Variants in MARCHF8 observed in about 807,000 individuals in gnomAD.
MARCHF8 encodes the protein membrane associated ring-CH-type finger 8, also known as E3 ubiquitin-protein ligase MARCHF8.
MARCHF8 carries 40 observed loss-of-function variants against 51.6 expected under a neutral mutation model. The ratio of observed to expected loss-of-function variants is 0.77; its 90% CI spans 0.60 to 1.01. The LOEUF is 1.01. MARCHF8 is among the 50% of genes least tolerant of loss of function. The pLI, the probability that MARCHF8 is intolerant of heterozygous loss-of-function variation, is 0.00. For synonymous variants in MARCHF8, 263 were observed against 280.3 expected (o/e 0.94, Z 0.62); for missense variants, 685 against 708.6 (o/e 0.97, Z 0.38).
chr10:45,571,467 G>C (rs1023756262), intron 1 of MARCHF8, among the ~76,000 whole-genome samples: 9 of 150,622 alleles, frequency 6.0e-5, no homozygotes, highest in African/African-American at 2.0e-4. Context: ...TTCTCCCTTT[G>C]CTGACTCTCT....
intron 3 of MARCHF8, among the ~76,000 whole-genome samples, chr10:45,483,330 T>G (rs1298064833): frequency 6.6e-6 from 1 of 152,124 alleles, no homozygotes; most frequent in Non-Finnish European, 1.5e-5. Flanking sequence ...GCAAAGGACA[T>G]GACTAGACAT....
At chr10:45,547,066 A>C (rs550356314) in intron 1 of MARCHF8, among the ~76,000 whole-genome samples, 7 of 152,212 alleles carry the variant, frequency 4.6e-5, no homozygotes, top group Non-Finnish European at 8.8e-5. Flanking sequence ...CCCCACCAAA[A>C]AAATTCAGAT....
At chr10:45,584,301 G>A (rs2044593791) in intron 1 of MARCHF8, among the ~76,000 whole-genome samples, 1 of 151,068 alleles carries the variant, frequency 6.6e-6, no homozygotes, top group Non-Finnish European at 1.5e-5. Flanking sequence ...AACCACAAAA[G>A]CACAAATCTG....
intron 1 of MARCHF8, among the ~76,000 whole-genome samples, chr10:45,569,014 G>A (rs1233312746): frequency 1.4e-5 from 2 of 139,304 alleles, no homozygotes; most frequent in Non-Finnish European, 3.0e-5. Context: ...GCAGTGAGCC[G>A]AGATGGCGCC....
chr10:45,497,534 AGTAAAT>A (rs1455798750), intron 2 of MARCHF8, among the ~76,000 whole-genome samples: 1 of 152,208 alleles, frequency 6.6e-6, no homozygotes, highest in Non-Finnish European at 1.5e-5. Flanking sequence ...AACAAACATC[AGTAAAT>A]GTAAAAGGAC....
Position 45,457,262 on chromosome 10 carries a change from T to A in MARCHF8, c.*977A>T, listed in dbSNP as rs1371295914. On this transcript the variant is annotated 3_prime_UTR_variant, in exon 8 of 8. Coordinates refer to ENST00000453424, the MANE Select transcript of MARCHF8 (RefSeq NM_001282866.2). ...AGTTTTGTTGTCATTACTCACTTCCTTTCCTTCCATTTCGATCTCAGAAAC... is the reference window on the plus strand; with the variant it reads ...AGTTTTGTTGTCATTACTCACTTCCATTCCTTCCATTTCGATCTCAGAAAC... 1 of 152,244 alleles carries A rather than the reference T, an allele frequency of 6.6e-6. No homozygotes were observed. Among genetic ancestry groups the A allele is most frequent in the Non-Finnish European group, 1.5e-5 (1 of 68,036 alleles). 9.4% of individuals were successfully genotyped at this position (152,244 alleles called of 1,614,324 possible).
In MARCHF8 at chr10:45,571,723, G is replaced by A. The variant is rs773852546; in HGVS notation, c.-79+22512C>T. On this transcript the variant is annotated intron_variant, in intron 1 of 6. Coordinates refer to the MARCHF8 transcript ENST00000319836. Reference sequence around the variant, plus strand: ...CTCACCAATTTTAAATTGGGTAAGCGGCCTCTTTTTACTCTCTTCTCCAAC... The same window carrying A: ...CTCACCAATTTTAAATTGGGTAAGCAGCCTCTTTTTACTCTCTTCTCCAAC... 3.3e-5 allele frequency among the ~76,000 whole-genome samples: 5 copies of A among 152,180 alleles called. No homozygotes were observed. The East Asian group carries it at 9.6e-4, about 29-fold the overall frequency.
rs1842608386 is a variant in MARCHF8, at chr10:45,456,443, G to A, written c.*1796C>T. 6.6e-6 allele frequency: 1 copy of A among 152,410 alleles called. No individual in the cohort carries two copies. The highest frequency in any genetic ancestry group is 1.5e-5 in the Non-Finnish European group (1 of 68,086). 9.4% of individuals were successfully genotyped at this position (152,410 alleles called of 1,614,324 possible). A position where few individuals can be genotyped will look rare whatever the true frequency, so the allele number is the denominator to read the frequency against. On this transcript the variant is annotated 3_prime_UTR_variant, in exon 8 of 8. Coordinates refer to ENST00000453424, the MANE Select transcript of MARCHF8 (RefSeq NM_001282866.2). ...TTGCCAAGGAATCAGACACTGGCTT[G>A]GAGGAGACAGGAGGACAAAGCCTGC...
At chr10:45,538,399 C>G (rs2044004154), upstream of MARCHF8, among the ~76,000 whole-genome samples, 1 of 152,172 alleles carries the variant, frequency 6.6e-6, no homozygotes, top group South Asian at 2.1e-4. Context: ...TAGGAAGAAA[C>G]TACATCAACT....
intron 2 of MARCHF8, among the ~76,000 whole-genome samples, chr10:45,498,436 T>C (rs2043214703): frequency 6.6e-6 from 1 of 152,142 alleles, no homozygotes; most frequent in Non-Finnish European, 1.5e-5. Flanking sequence ...TCACTTCACT[T>C]GGCATAATGT....
chr10:45,522,021 C>G (rs1221512237), intron 2 of MARCHF8, among the ~76,000 whole-genome samples: 1 of 152,112 alleles, frequency 6.6e-6, no homozygotes, highest in Middle Eastern at 3.2e-3. Flanking sequence ...CATGTTCCAC[C>G]AAGGTACACA....
At chr10:45,521,838 A>T (rs2043711090) in intron 2 of MARCHF8, among the ~76,000 whole-genome samples, 1 of 152,130 alleles carries the variant, frequency 6.6e-6, no homozygotes, top group Non-Finnish European at 1.5e-5. Context: ...TCTGTCCTTC[A>T]CCTAGATGCA....
At chr10:45,460,146 T>C in intron 6 of MARCHF8, among the ~76,000 whole-genome samples, 1 of 152,166 alleles carries the variant, frequency 6.6e-6, no homozygotes, top group African/African-American at 2.4e-5. Context: ...TCTGCTGGGA[T>C]TTTATACACT....
At chr10:45,458,585 A>G in intron 7 of MARCHF8, 42 bp from the exon 8 acceptor site, 2 of 1,520,666 alleles carry the variant, frequency 1.3e-6, no homozygotes, top group Non-Finnish European at 1.8e-6. Flanking sequence ...TATTTAAGAT[A>G]TGAAGTAAAG....
intron 1 of MARCHF8, among the ~76,000 whole-genome samples, chr10:45,581,349 G>A (rs1205617925): frequency 6.6e-6 from 1 of 152,096 alleles, no homozygotes; most frequent in Non-Finnish European, 1.5e-5. Flanking sequence ...CACTAATACA[G>A]TGGAGTCTAC....
intron 3 of MARCHF8, among the ~76,000 whole-genome samples, chr10:45,467,660 C>T (rs1843012882): frequency 6.6e-6 from 1 of 152,078 alleles, no homozygotes; most frequent in African/African-American, 2.4e-5. Flanking sequence ...AGGAGCTCTG[C>T]AGGACAGAAC....
intron 2 of MARCHF8, among the ~76,000 whole-genome samples, chr10:45,497,965 CA>C (rs2133125332): frequency 6.6e-6 from 1 of 152,288 alleles, no homozygotes; most frequent in East Asian, 1.9e-4. Flanking sequence ...TTAAGCCACC[CA>C]GTCTGTGGTA....
intron 1 of MARCHF8, among the ~76,000 whole-genome samples, chr10:45,541,323 A>C (rs2044049396): frequency 6.6e-6 from 1 of 152,180 alleles, no homozygotes; most frequent in South Asian, 2.1e-4. Flanking sequence ...TGCAAGGACA[A>C]AAAACCAAAC....
intron 2 of MARCHF8, among the ~76,000 whole-genome samples, chr10:45,509,017 G>A (rs1428960870): frequency 2.0e-5 from 3 of 152,084 alleles, no homozygotes; most frequent in Admixed American, 1.3e-4. Context: ...TTATTCTGAT[G>A]TTTCCCTCAG....
Sources: allele counts gnomAD v4.1 joint callset (sites outside exome capture counted in the v4.1 genomes callset), GRCh38; gene constraint gnomAD v4.1.1; transcripts MANE v1.5; gene names NCBI Gene and HGNC (gene_info 2026-07-23, HGNC 2026-07-21).